Variants in DNM3 observed in about 807,000 individuals in gnomAD.
The protein encoded by DNM3 is dynamin-3.
In DNM3, 47 loss-of-function variants were observed where a neutral mutation model predicts 101.6. The observed-to-expected ratio is 0.46, with a 90% CI of 0.37 to 0.59. The LOEUF is 0.59. Ranked by LOEUF, DNM3 falls within the 20% of genes least tolerant of loss-of-function variation. The pLI is 0.00. For synonymous variants in DNM3, 385 were observed against 387.9 expected, an observed-to-expected ratio of 0.99 and a Z score of 0.09; for missense variants, 849 against 1,085.7, an observed-to-expected ratio of 0.78 and a Z score of 3.06.
intron 15 of DNM3, among the ~76,000 whole-genome samples, chr1:172,283,430 C>T (rs549872445): frequency 6.6e-6 from 1 of 152,182 alleles, no homozygotes; most frequent in South Asian, 2.1e-4. Context: ...TTTCCTGAAG[C>T]CTTTTCAGTC....
In DNM3 at chr1:172,033,205, G is replaced by A. The variant is rs749873284; in HGVS notation, c.789G>A (p.Pro263=). 2.7e-5 allele frequency: 43 copies of A among 1,608,654 alleles called. No homozygotes were observed. The highest frequency in any genetic ancestry group is 3.4e-5 in the Admixed American group (2 of 59,302). The change falls in exon 6 of 21, where the codon CCG becomes CCA. Residue 263 remains proline (P), a synonymous_variant. Transcript: ENST00000627582. The part of the protein sequence containing the change: ...LAERKFFLSH[P]AYRHIADRMG... ...AGAGGAAGTTTTTCCTTTCCCACCC[G>A]GCTTACAGACATATCGCTGACCGAA...
At chr1:171,988,679 T>C (rs16843675) in intron 3 of DNM3, among the ~76,000 whole-genome samples, 6,645 of 152,310 alleles carry the variant, frequency 0.044, 172 homozygotes, top group African/African-American at 0.075. Context: ...GTTACAGATA[T>C]GACAGCTTTC....
intron 14 of DNM3, chr1:172,133,292 A>G: frequency 1.9e-6 from 2 of 1,038,066 alleles, no homozygotes; most frequent in Non-Finnish European, 2.3e-6. Flanking sequence ...CCTCTCCTCC[A>G]GACTCAGGAT....
In DNM3 at chr1:172,150,141, TTAAC is replaced by T. The variant is rs374022536; in HGVS notation, c.1659+18856_1659+18859del. 9.2e-5 allele frequency among the ~76,000 whole-genome samples: 14 copies of T among 152,308 alleles called. 1 individual carries two copies. The South Asian group carries it at 2.1e-3, about 23-fold the overall frequency. ...TTTAGCTGTGTCCATTATAGATACT[TTAAC>T]TAGCCTTCTCAATTCTGTTCAGTTT... On this transcript the variant is annotated intron_variant, in intron 14 of 20. Transcript: ENST00000627582.
chr1:172,083,945 A>T (rs1039835386), intron 12 of DNM3, among the ~76,000 whole-genome samples: 1 of 152,158 alleles, frequency 6.6e-6, no homozygotes, highest in Non-Finnish European at 1.5e-5. Flanking sequence ...ATAGACTATG[A>T]ATCTTTATGA....
chr1:172,333,296 G>A (rs1219322207), intron 17 of DNM3, among the ~76,000 whole-genome samples: 1 of 152,206 alleles, frequency 6.6e-6, no homozygotes, highest in Non-Finnish European at 1.5e-5. Flanking sequence ...GTGGCGGGGA[G>A]CAGTAACATT....
At chr1:172,043,215 G>A (rs952677593) in intron 8 of DNM3, among the ~76,000 whole-genome samples, 16 of 152,108 alleles carry the variant, frequency 1.1e-4, no homozygotes, top group African/African-American at 3.4e-4. Context: ...TGGAAGAAAG[G>A]GAAGTTTTGA....
At chr1:172,042,458 A>G (rs2049455551) in intron 8 of DNM3, among the ~76,000 whole-genome samples, 1 of 152,244 alleles carries the variant, frequency 6.6e-6, no homozygotes, top group African/African-American at 2.4e-5. Flanking sequence ...AAGACAGAGA[A>G]GACCCTTGCT....
intron 20 of DNM3, among the ~76,000 whole-genome samples, chr1:172,399,153 G>T (rs2070261712): frequency 1.3e-5 from 2 of 152,188 alleles, no homozygotes; most frequent in South Asian, 4.1e-4. Flanking sequence ...CTCTTTACAT[G>T]GCCCAGGGGA....
intron 17 of DNM3, among the ~76,000 whole-genome samples, chr1:172,325,854 C>A (rs2065916700): frequency 6.6e-6 from 1 of 152,188 alleles, no homozygotes; most frequent in Non-Finnish European, 1.5e-5. Context: ...ATTAACCAGA[C>A]TCTAGAGCAA....
intron 1 of DNM3, among the ~76,000 whole-genome samples, chr1:171,910,856 A>T (rs1343289839): frequency 6.6e-6 from 1 of 152,186 alleles, no homozygotes; most frequent in Non-Finnish European, 1.5e-5. Context: ...ACTTTTGGAA[A>T]AAACAGGAGG....
chr1:172,010,682 T>TTGTGTG (rs59701730), intron 4 of DNM3, among the ~76,000 whole-genome samples: 129 of 112,748 alleles, frequency 1.1e-3, no homozygotes, highest in Admixed American at 2.6e-3. Flanking sequence ...TTGGTATGTT[T>TTGTGTG]TGTGTGTGTG....
At chr1:172,306,333 A>T (rs1017820664) in intron 15 of DNM3, among the ~76,000 whole-genome samples, 2 of 152,206 alleles carry the variant, frequency 1.3e-5, no homozygotes, top group Admixed American at 6.5e-5. Context: ...CATGTGAAGC[A>T]CCTCTTCAAG....
intron 14 of DNM3, 109 bp downstream of exon 14, chr1:172,131,397 G>A: frequency 2.2e-6 from 2 of 890,958 alleles, no homozygotes; most frequent in Non-Finnish European, 3.5e-6. Context: ...CTCTTTCAGT[G>A]AGATTAAGCT....
At chr1:172,378,900 T>A in intron 17 of DNM3, 118 bp from the exon 18 acceptor site, 2 of 1,141,904 alleles carry the variant, frequency 1.8e-6, no homozygotes, top group South Asian at 3.6e-5. Flanking sequence ...AATGTTACCA[T>A]CTACTGATAT....
In DNM3 at chr1:171,944,854, CCTTTTTTTTT is replaced by C. The variant is rs1274460428; in HGVS notation, c.235+23034_235+23043del. 7.1e-3 allele frequency among the ~76,000 whole-genome samples: 265 copies of C among 37,572 alleles called. 11 individuals are homozygous for C. Among genetic ancestry groups the C allele is most frequent in the Non-Finnish European group, 0.012 (225 of 18,616 alleles). 24.6% of individuals were successfully genotyped at this position (37,572 alleles called of 152,430 possible). ...TTTGTTTTCTTTTTTTTTGGTGTTT[CCTTTTTTTTT>C]TTTTTTTTTTTTTTTTTGAGGCAGG... On this transcript the variant is annotated intron_variant, in intron 2 of 20. Transcript: ENST00000627582.
At chr1:172,057,288 G>A (rs1366333582) in intron 10 of DNM3, among the ~76,000 whole-genome samples, 1 of 152,176 alleles carries the variant, frequency 6.6e-6, no homozygotes, top group Non-Finnish European at 1.5e-5. Context: ...TTATCCAGGA[G>A]AACTTCCCCA....
At chr1:172,110,478 A>G (rs898394183) in intron 13 of DNM3, among the ~76,000 whole-genome samples, 1 of 152,220 alleles carries the variant, frequency 6.6e-6, no homozygotes, top group Non-Finnish European at 1.5e-5. Context: ...GCTTATAAAT[A>G]TCCAACAAGT....
chr1:172,185,135 C>T lies in DNM3; in HGVS notation c.1659+53847C>T, dbSNP rs771150535. 5.3e-5 allele frequency among the ~76,000 whole-genome samples: 8 copies of T among 152,148 alleles called. No homozygotes were observed. In the East Asian group the frequency reaches 5.8e-4, roughly 11 times the overall value. On this transcript the variant is annotated intron_variant, in intron 14 of 20. Coordinates refer to ENST00000627582, the MANE Select transcript of DNM3 (RefSeq NM_015569.5). ...TGCTCTTTGCCTCAGTGGTCTTTGA[C>T]GGACTCTGGGTACTAAAGCTAAGAT...
Sources: gnomAD v4.1 joint callset for allele counts (sites outside exome capture counted in the v4.1 genomes callset) on GRCh38, gnomAD v4.1.1 for gene constraint, MANE v1.5 for transcripts, NCBI Gene and HGNC (gene_info 2026-07-23, HGNC 2026-07-21) for gene names.